Variants in APBB2 observed in about 807,000 individuals in gnomAD.
APBB2 encodes amyloid beta precursor protein binding family B member 2.
A neutral mutation model predicts 82.5 loss-of-function variants in APBB2; 38 were observed. The ratio of observed to expected loss-of-function variants is 0.46; its 90% confidence interval spans 0.36 to 0.60. The LOEUF is 0.60. Among genes scored for constraint, APBB2 ranks in the 20% least tolerant of loss-of-function variants. The pLI is 0.00. For synonymous variants in APBB2, 341 were observed against 368.2 expected (o/e 0.93, Z 0.85); for missense variants, 772 against 972.3 (o/e 0.79, Z 2.74).
At chr4:40,982,265 AGAAAGAAAGAAAGAAAGAAG>A (rs1798813513) in intron 6 of APBB2, among the ~76,000 whole-genome samples, 1 of 28,684 alleles carries the variant, frequency 3.5e-5, no homozygotes, top group African/African-American at 1.4e-4. Context: ...AAAGAAAGAA[AGAAAGAAAGAAAGAAAGAAG>A]GAAGGAAGGA....
chr4:41,027,364 CATATATAT>C (rs36224955), intron 5 of APBB2, among the ~76,000 whole-genome samples: 5,920 of 127,212 alleles, frequency 0.047, 270 homozygotes, highest in Non-Finnish European at 0.067. Context: ...CATATTGTTA[CATATATAT>C]ATATATATAT....
In APBB2 at chr4:40,869,119, C is replaced by A. The variant is rs192257669; in HGVS notation, c.1529+21245G>T. Among the ~76,000 whole-genome samples the A allele has an allele frequency of 1.8e-3, 280 of 152,236 alleles. 2 individuals are homozygous for A. The highest frequency in any genetic ancestry group is 6.6e-3 in the African/African-American group (274 of 41,542). On this transcript the variant is annotated intron_variant, in intron 12 of 17. Transcript: ENST00000508593. ...TCTTGGCTCACTGCAATCTCCACCT[C>A]CCGGGTTCAAGTGATTCTCCTGCCT...
intron 3 of APBB2, among the ~76,000 whole-genome samples, chr4:41,081,427 T>C (rs550709715): frequency 6.6e-6 from 1 of 152,334 alleles, no homozygotes; most frequent in South Asian, 2.1e-4. Flanking sequence ...TCAAAAGCTG[T>C]TTCCAGAATA....
At chr4:40,876,622 C>T (rs1227445280) in intron 12 of APBB2, among the ~76,000 whole-genome samples, 10 of 152,182 alleles carry the variant, frequency 6.6e-5, no homozygotes, top group African/African-American at 2.4e-4. Flanking sequence ...TGCATATAAC[C>T]TATGCACATC....
At chr4:41,157,520 G>A (rs1481396866) in intron 1 of APBB2, among the ~76,000 whole-genome samples, 1 of 152,156 alleles carries the variant, frequency 6.6e-6, no homozygotes, top group Non-Finnish European at 1.5e-5. Flanking sequence ...GAGCAAATAT[G>A]AGAGATGGAA....
intron 7 of APBB2, among the ~76,000 whole-genome samples, chr4:40,942,028 G>A (rs1037182458): frequency 3.3e-5 from 5 of 152,164 alleles, no homozygotes; most frequent in Non-Finnish European, 5.9e-5. Flanking sequence ...TAATATTGGT[G>A]ACAGGGTCTG....
rs868859878 is a variant in APBB2 at position 40,982,406 on chromosome 4, A to G, written c.835+31177T>C. 3.5e-3 allele frequency among the ~76,000 whole-genome samples: 298 copies of G among 85,708 alleles called. 21 individuals are homozygous for G. Among genetic ancestry groups the G allele is most frequent in the African/African-American group, 0.016 (283 of 18,098 alleles). The allele number at this position is 85,708 out of a possible 152,430, so 56.2% of individuals were successfully genotyped here. A position where few individuals can be genotyped will look rare whatever the true frequency, so the allele number is the denominator to read the frequency against. On this transcript the variant is annotated intron_variant, in intron 6 of 17. Transcript: ENST00000508593. ...AGGAAGGAAGGAAAGGAAAGGAAAG[A>G]AAGAAAGAAAGAAAGAAAGAAAGAA...
chr4:41,058,937 C>T (rs755988021), intron 4 of APBB2, among the ~76,000 whole-genome samples: 2 of 151,824 alleles, frequency 1.3e-5, no homozygotes, highest in Non-Finnish European at 2.9e-5. Flanking sequence ...TGGGCCAGAA[C>T]CAAAGATAGA....
intron 2 of APBB2, among the ~76,000 whole-genome samples, chr4:41,120,054 C>T (rs1399461798): frequency 6.6e-6 from 1 of 152,076 alleles, no homozygotes; most frequent in Non-Finnish European, 1.5e-5. Context: ...ATGAGGAAAA[C>T]GGAGGCTTAC....
rs1432158747 is a variant in APBB2 at position 40,907,363 on chromosome 4, ATATATATATATATATATTTTTT to A, written c.1255-13974_1255-13953del. Among the ~76,000 whole-genome samples the A allele has an allele frequency of 2.1e-4, 19 of 91,180 alleles. 1 individual carries two copies. The highest frequency in any genetic ancestry group is 9.2e-4 in the African/African-American group (17 of 18,434). 59.8% of individuals were successfully genotyped at this position (91,180 alleles called of 152,430 possible). On this transcript the variant is annotated intron_variant, in intron 10 of 17. Coordinates refer to ENST00000508593, the MANE Select transcript of APBB2 (RefSeq NM_004307.2). ...TAATATATTACATATATATATATAT[ATATATATATATATATATTTTTT>A]TTTTTTTTTTTTTTTAGACAGAGTC...
chr4:40,889,791 T>C (rs1771448841), intron 12 of APBB2, among the ~76,000 whole-genome samples: 1 of 152,212 alleles, frequency 6.6e-6, no homozygotes. Context: ...ACATTTTCAG[T>C]AGAATTTCAG....
In APBB2 at chr4:40,832,309, G is replaced by A. The variant is rs971529093; in HGVS notation, c.1530-1732C>T. Reference sequence around the variant, plus strand: ...AGGTCTGGCCGGAAAACCCTGCCTCGCAACCTCACCTCGCCATGCCCCAGG... The same window carrying A: ...AGGTCTGGCCGGAAAACCCTGCCTCACAACCTCACCTCGCCATGCCCCAGG... On this transcript the variant is annotated intron_variant, in intron 12 of 17. Coordinates refer to ENST00000508593, the MANE Select transcript of APBB2 (RefSeq NM_004307.2). This position sits in a 1 kb window ranked among gnomAD's most constrained non-coding sequence, Gnocchi z 4.8. Among the ~76,000 whole-genome samples, 9 of 152,074 alleles carry A rather than the reference G, an allele frequency of 5.9e-5. No individual in the cohort carries two copies. The highest frequency in any genetic ancestry group is 1.2e-4 in the Non-Finnish European group (8 of 68,018).
At chr4:41,183,586 G>A (rs1270793156) in intron 1 of APBB2, among the ~76,000 whole-genome samples, 2 of 152,068 alleles carry the variant, frequency 1.3e-5, no homozygotes, top group Non-Finnish European at 2.9e-5. Context: ...TGAAGGCAGA[G>A]ATCTATAAGC....
intron 6 of APBB2, among the ~76,000 whole-genome samples, chr4:40,989,019 C>G (rs935346347): frequency 2.0e-5 from 3 of 152,052 alleles, no homozygotes; most frequent in East Asian, 1.9e-4. Context: ...CTTGGTCTCC[C>G]AAGAGTGAGG....
At chr4:41,034,954 T>G (rs529611545) in intron 4 of APBB2, among the ~76,000 whole-genome samples, 2 of 152,216 alleles carry the variant, frequency 1.3e-5, no homozygotes, top group South Asian at 4.1e-4. Context: ...ATGATTCTAT[T>G]TATATGAATT....
chr4:40,961,871 C>G (rs1386199450), intron 6 of APBB2, among the ~76,000 whole-genome samples: 5 of 152,056 alleles, frequency 3.3e-5, no homozygotes, highest in African/African-American at 1.2e-4. Flanking sequence ...AGACCAAATG[C>G]AGACACTGCA....
chr4:40,940,735 C>T (rs1307026267), intron 7 of APBB2, among the ~76,000 whole-genome samples: 5 of 152,168 alleles, frequency 3.3e-5, no homozygotes, highest in East Asian at 3.8e-4. Context: ...GCTTCAGACC[C>T]GCCTTCTCCA....
intron 2 of APBB2, chr4:41,117,943 A>C (rs961044683): frequency 2.0e-5 from 3 of 152,224 alleles, no homozygotes; most frequent in Admixed American, 6.6e-5. Flanking sequence ...GCAGTGGCTC[A>C]TATCTGTAAT....
chr4:41,176,929 T>G (rs987526482), intron 1 of APBB2, among the ~76,000 whole-genome samples: 1 of 151,634 alleles, frequency 6.6e-6, no homozygotes. Flanking sequence ...TTAGCTGAAT[T>G]AATGCAAAAT....
Sources: gnomAD v4.1 joint callset for allele counts (sites outside exome capture counted in the v4.1 genomes callset) on GRCh38, gnomAD v4.1.1 for gene constraint, Gnocchi (gnomAD v3.1) non-coding constraint, MANE v1.5 for transcripts, NCBI Gene and HGNC (gene_info 2026-07-23, HGNC 2026-07-21) for gene names.